Variants in ERG observed in about 807,000 individuals in gnomAD.
The protein encoded by ERG is transcriptional regulator ERG.
Under a neutral mutation model 55.3 loss-of-function variants are expected in ERG, and 9 were observed. The ratio of observed to expected loss-of-function variants is 0.16; its 90% confidence interval spans 0.10 to 0.28. The LOEUF (loss-of-function observed/expected upper bound fraction) is 0.28. Ranked by LOEUF, ERG falls within the 10% of genes least tolerant of loss-of-function variation. The probability of loss-of-function intolerance (pLI) is 1.00; values close to 1 mark genes in which losing one functional copy is unlikely to be tolerated. For missense variants in ERG, 434 were observed against 631.6 expected (o/e 0.69, Z 3.35); for synonymous variants, 223 against 237.3 (o/e 0.94, Z 0.55).
At position 38,380,677 on chromosome 21, in the gene ERG, A is replaced by G. The variant is rs911469144; in HGVS notation, c.*2726T>C. The G allele has an allele frequency of 3.8e-6, 4 of 1,064,898 alleles. No homozygotes were observed. The highest frequency in any genetic ancestry group is 1.6e-5 in the African/African-American group (1 of 61,052). 66.0% of individuals were successfully genotyped at this position (1,064,898 alleles called of 1,614,324 possible). On this transcript the variant is annotated 3_prime_UTR_variant, in exon 10 of 10. Coordinates refer to ENST00000288319, the MANE Select transcript of ERG (RefSeq NM_182918.4). ...TTTTGAAACAATTTAAGAATTATGT[A>G]TTTGAAGGAACTCAGTATTATCATG...
chr21:38,621,506 A>G (rs2060290114), intron 1 of ERG, among the ~76,000 whole-genome samples: 1 of 152,040 alleles, frequency 6.6e-6, no homozygotes, highest in Admixed American at 6.6e-5. Context: ...TCAACCTGGG[A>G]CCCAGAATAA....
At chr21:38,399,602 AAAGGCAAGCTAT>A (rs1172853708) in intron 6 of ERG, among the ~76,000 whole-genome samples, 1 of 152,344 alleles carries the variant, frequency 6.6e-6, no homozygotes, top group African/African-American at 2.4e-5. Flanking sequence ...GACAAATGCT[AAAGGCAAGCTAT>A]ACCCTTCTGG....
chr21:38,480,004 C>A (rs771897300), intron 1 of ERG, among the ~76,000 whole-genome samples: 2 of 152,108 alleles, frequency 1.3e-5, no homozygotes, highest in Non-Finnish European at 2.9e-5. Flanking sequence ...TGCCTTGGGG[C>A]TACTACTGAA....
chr21:38,571,603 C>G (rs367847044), intron 2 of ERG, among the ~76,000 whole-genome samples: 1 of 152,212 alleles, frequency 6.6e-6, no homozygotes, highest in East Asian at 1.9e-4. Context: ...AATTATGCTT[C>G]AAGACAGTCA....
At chr21:38,473,304 C>T (rs1225065321) in intron 1 of ERG, among the ~76,000 whole-genome samples, 3 of 152,062 alleles carry the variant, frequency 2.0e-5, no homozygotes, top group African/African-American at 7.2e-5. Flanking sequence ...GCGAAGCTTC[C>T]GTGGGATCCT....
chr21:38,602,740 T>G lies in ERG; in HGVS notation c.-149-17795A>C, dbSNP rs531610581. Among the ~76,000 whole-genome samples the G allele has an allele frequency of 2.6e-5, 4 of 152,082 alleles. No individual in the cohort carries two copies. In the East Asian group the frequency reaches 7.8e-4, roughly 29 times the overall value. On this transcript the variant is annotated intron_variant, in intron 1 of 10. Coordinates refer to the ERG transcript ENST00000398910. ...CTCAAGCCATTTTGAAGAAAATCTT[T>G]GAACACGTCTCAGTGGCTTGATGCT...
rs772114198 is a variant in ERG, at chr21:38,383,572, T to A, written c.1271A>T (p.His424Leu). Residue 424 changes from histidine (H) to leucine (L), a missense_variant, in exon 10 of 10, where the codon CAC (histidine) becomes CTC (leucine). His to Leu is a moderately conservative substitution (Grantham distance 99). Transcript: ENST00000288319. The surrounding 1 kb of genome is among the most constrained non-coding windows in gnomAD (Gnocchi z 5.7). ...CGCCACAAAGTTCATCTTCTGTGGG[T>A]GGGCGTGATAGGAGCCCATGTACGG... Reference protein sequence around the residue: ...DLPYMGSYHAHPQKMNFVAPH... With the variant: ...DLPYMGSYHALPQKMNFVAPH... The A allele has an allele frequency of 1.9e-6, 3 of 1,601,468 alleles. No homozygotes were observed. Among genetic ancestry groups the A allele is most frequent in the Non-Finnish European group, 2.6e-6 (3 of 1,171,154 alleles).
intron 1 of ERG, among the ~76,000 whole-genome samples, chr21:38,648,586 C>T (rs1195348400): frequency 6.6e-6 from 1 of 152,202 alleles, no homozygotes; most frequent in Admixed American, 6.5e-5. Flanking sequence ...ATAAAGATTG[C>T]ACCGTGCTCA....
chr21:38,373,010 T>C, the ERG span, among the ~76,000 whole-genome samples: 2 of 152,164 alleles, frequency 1.3e-5, no homozygotes, highest in Non-Finnish European at 2.9e-5. Context: ...TATCCATAGA[T>C]CCTGGAAGCA....
intron 1 of ERG, among the ~76,000 whole-genome samples, chr21:38,635,807 T>C (rs945358162): frequency 6.6e-6 from 1 of 152,198 alleles, no homozygotes; most frequent in Non-Finnish European, 1.5e-5. Context: ...TGTCCAAACA[T>C]AGCTGACCCT....
chr21:38,551,457 T>C (rs1236931478), intron 2 of ERG, among the ~76,000 whole-genome samples: 1 of 152,186 alleles, frequency 6.6e-6, no homozygotes, highest in Non-Finnish European at 1.5e-5. Flanking sequence ...TAATTTAAGA[T>C]CTTTCCAACT....
chr21:38,479,182 A>G (rs141652063), intron 1 of ERG, among the ~76,000 whole-genome samples: 415 of 152,344 alleles, frequency 2.7e-3, no homozygotes, highest in Non-Finnish European at 4.7e-3. Flanking sequence ...CAACAAAACT[A>G]ATTGCATTGG....
At chr21:38,513,372 T>G (rs143466832) in intron 2 of ERG, among the ~76,000 whole-genome samples, 1 of 152,000 alleles carries the variant, frequency 6.6e-6, no homozygotes, top group African/African-American at 2.4e-5. Context: ...GTAGGGGAAA[T>G]TGGGTAAAGG....
At chr21:38,633,430 A>G (rs2060369032) in intron 1 of ERG, among the ~76,000 whole-genome samples, 1 of 152,210 alleles carries the variant, frequency 6.6e-6, no homozygotes, top group Admixed American at 6.5e-5. Context: ...GTGACTCTTC[A>G]TAGAGCTTTT....
chr21:38,464,818 G>T (rs1228936920), intron 1 of ERG, among the ~76,000 whole-genome samples: 1 of 151,936 alleles, frequency 6.6e-6, no homozygotes, highest in Non-Finnish European at 1.5e-5. Context: ...TGTGGTGTTT[G>T]GTTTTCTGTT....
intron 1 of ERG, among the ~76,000 whole-genome samples, chr21:38,609,495 T>C (rs570374839): frequency 2.6e-5 from 4 of 152,090 alleles, no homozygotes; most frequent in Non-Finnish European, 5.9e-5. Flanking sequence ...AAAACAATTA[T>C]GAGGCAATCA....
At chr21:38,629,907 C>T (rs2060347082) in intron 1 of ERG, among the ~76,000 whole-genome samples, 1 of 152,152 alleles carries the variant, frequency 6.6e-6, no homozygotes, top group Non-Finnish European at 1.5e-5. Context: ...CATACACGGG[C>T]ATATTACTCA....
intron 1 of ERG, among the ~76,000 whole-genome samples, chr21:38,604,741 A>G (rs2836564): frequency 0.071 from 10,883 of 152,246 alleles, 697 homozygotes; most frequent in African/African-American, 0.17. Context: ...GCATATCCAC[A>G]TTAGGTCCTG....
At chr21:38,562,494 T>C (rs975217046) in intron 2 of ERG, among the ~76,000 whole-genome samples, 1 of 152,190 alleles carries the variant, frequency 6.6e-6, no homozygotes, top group Admixed American at 6.5e-5. Context: ...AGGCCTGCCC[T>C]AGACCTACTG....
Sources: allele counts gnomAD v4.1 joint callset (sites outside exome capture counted in the v4.1 genomes callset), GRCh38; gene constraint gnomAD v4.1.1; non-coding constraint Gnocchi (gnomAD v3.1); transcripts MANE v1.5; gene names NCBI Gene and HGNC (gene_info 2026-07-23, HGNC 2026-07-21).